TRPS1: variants seen among roughly 807,000 people sequenced by gnomAD.
The protein encoded by TRPS1 is transcriptional repressor GATA binding 1.
Under a neutral mutation model 101.2 loss-of-function variants are expected in TRPS1, and 6 were observed. The ratio of observed to expected loss-of-function variants is 0.06; its 90% CI spans 0.03 to 0.12. TRPS1 has a LOEUF of 0.12. TRPS1 is among the 10% of genes least tolerant of loss of function. The pLI is 1.00. For missense variants in TRPS1, 1,363 were observed against 1,567.0 expected (o/e 0.87, Z 2.20); for synonymous variants, 578 against 589.8 (o/e 0.98, Z 0.29).
intron 5 of TRPS1, among the ~76,000 whole-genome samples, chr8:115,426,845 G>A (rs551476150): frequency 3.3e-5 from 5 of 152,164 alleles, no homozygotes; most frequent in Admixed American, 6.5e-5. Context: ...TCAGATTTAC[G>A]GTGAATTACT....
Position 115,623,691 on chromosome 8 carries a change from G to T in TRPS1, c.-54C>A. ...TAATTCTATTAGTCAACTAGCAGGA[G>T]GCTAATGCAATTGTCTTAGAAGACG... is the stretch of plus-strand genomic sequence containing the variant. On this transcript the variant is annotated 5_prime_UTR_variant, in exon 2 of 7. Coordinates refer to ENST00000395715, the MANE Select transcript of TRPS1 (RefSeq NM_014112.5). The T allele has an allele frequency of 6.3e-7, 1 of 1,598,098 alleles. No individual in the cohort carries two copies.
intron 5 of TRPS1, among the ~76,000 whole-genome samples, chr8:115,535,454 C>T (rs1450023211): frequency 5.5e-5 from 8 of 146,686 alleles, no homozygotes; most frequent in East Asian, 2.0e-4. Flanking sequence ...GTATATAGTG[C>T]ATATATAGCA....
In TRPS1 at chr8:115,540,815, C is replaced by T. The variant is rs1038949744; in HGVS notation, c.2700+46186G>A. 4.6e-5 allele frequency among the ~76,000 whole-genome samples: 7 copies of T among 151,734 alleles called. No homozygotes were observed. In the East Asian group the frequency reaches 5.8e-4, roughly 13 times the overall value. On this transcript the variant is annotated intron_variant, in intron 5 of 6. Coordinates refer to ENST00000395715, the MANE Select transcript of TRPS1 (RefSeq NM_014112.5). ...TGCATGCCTGTATCAAAACAACTTA[C>T]GCACCCCATAAATATATATCTAATA... is the stretch of plus-strand genomic sequence containing the variant.
chr8:115,566,568 G>A (rs1048196844), intron 5 of TRPS1, among the ~76,000 whole-genome samples: 114 of 151,030 alleles, frequency 7.5e-4, no homozygotes, highest in African/African-American at 2.7e-3. Context: ...CCTAAGGTCA[G>A]AAAAACATAT....
At chr8:115,491,697 AAG>A (rs367651982) in intron 5 of TRPS1, among the ~76,000 whole-genome samples, 90 of 152,058 alleles carry the variant, frequency 5.9e-4, no homozygotes, top group African/African-American at 2.0e-3. Flanking sequence ...GAAAGAAAGA[AAG>A]AGAGAGAGAG....
intron 5 of TRPS1, among the ~76,000 whole-genome samples, chr8:115,468,666 A>G (rs1432680554): frequency 6.6e-6 from 1 of 152,246 alleles, no homozygotes; most frequent in Non-Finnish European, 1.5e-5. Context: ...AGAGTAGAAC[A>G]GAGTGACTAA....
intron 5 of TRPS1, among the ~76,000 whole-genome samples, chr8:115,464,708 C>G (rs1814274984): frequency 6.6e-6 from 1 of 152,058 alleles, no homozygotes; most frequent in Non-Finnish European, 1.5e-5. Context: ...CAGCTTTATT[C>G]AAAACACATG....
chr8:115,490,243 A>G (rs553168199), intron 5 of TRPS1, among the ~76,000 whole-genome samples: 4 of 152,274 alleles, frequency 2.6e-5, no homozygotes, highest in East Asian at 1.9e-4. Flanking sequence ...AAATGGTAGT[A>G]AGCAAGAAAG....
intron 5 of TRPS1, among the ~76,000 whole-genome samples, chr8:115,565,932 A>G (rs1236209192): frequency 2.6e-5 from 4 of 152,146 alleles, no homozygotes; most frequent in Admixed American, 2.6e-4. Flanking sequence ...TTTACTTGAA[A>G]CTTCAAGGTA....
At chr8:115,499,914 A>AATTT in intron 5 of TRPS1, among the ~76,000 whole-genome samples, 2 of 128,930 alleles carry the variant, frequency 1.6e-5, no homozygotes, top group African/African-American at 6.2e-5. Flanking sequence ...AAAAGTGCTA[A>AATTT]ATTTCTTTCT....
intron 5 of TRPS1, among the ~76,000 whole-genome samples, chr8:115,496,938 T>G (rs1815163454): frequency 6.6e-6 from 1 of 152,204 alleles, no homozygotes; most frequent in African/African-American, 2.4e-5. Flanking sequence ...CTTAAAGTTA[T>G]GATGCTAAAA....
chr8:115,447,299 C>T (rs918444516), intron 5 of TRPS1, among the ~76,000 whole-genome samples: 3 of 152,118 alleles, frequency 2.0e-5, no homozygotes, highest in Non-Finnish European at 4.4e-5. Flanking sequence ...CTCAAATTTG[C>T]TACTGAATGT....
intron 5 of TRPS1, among the ~76,000 whole-genome samples, chr8:115,520,234 G>A (rs950208016): frequency 6.6e-6 from 1 of 151,784 alleles, no homozygotes; most frequent in African/African-American, 2.4e-5. Flanking sequence ...TAAGTTCCAG[G>A]AATGCTCTGT....
In TRPS1 at chr8:115,587,487, G is replaced by C; in HGVS notation, c.2214C>G (p.Asn738Lys). ...ATATGGCATGACCGTCCTCTTCGCCGTTGGCTGTAGTGATGTCCTGTTCCT... is the reference window on the plus strand; with the variant it reads ...ATATGGCATGACCGTCCTCTTCGCCCTTGGCTGTAGTGATGTCCTGTTCCT... ...HCQEQDITTA[N>K]GEEDGHAIST... Residue 738 changes from asparagine (N) to lysine (K), a missense_variant, in exon 5 of 7, where the codon AAC (asparagine) becomes AAG (lysine). Coordinates refer to ENST00000395715, the MANE Select transcript of TRPS1 (RefSeq NM_014112.5). 6.2e-7 allele frequency: 1 copy of C among 1,614,138 alleles called. No individual in the cohort carries two copies. Among genetic ancestry groups the C allele is most frequent in the East Asian group, 2.2e-5 (1 of 44,884 alleles).
intron 5 of TRPS1, among the ~76,000 whole-genome samples, chr8:115,460,308 TCA>T (rs149192615): frequency 2.0e-5 from 3 of 149,802 alleles, no homozygotes; most frequent in Admixed American, 6.7e-5. Flanking sequence ...GTACATCAAG[TCA>T]CACACACACA....
intron 5 of TRPS1, among the ~76,000 whole-genome samples, chr8:115,505,713 C>A (rs989197722): frequency 2.6e-5 from 4 of 152,044 alleles, no homozygotes; most frequent in Non-Finnish European, 5.9e-5. Context: ...ACAATTTTTG[C>A]AAAATGATCG....
chr8:115,505,797 G>A (rs1256266518), intron 5 of TRPS1, among the ~76,000 whole-genome samples: 1 of 152,028 alleles, frequency 6.6e-6, no homozygotes, highest in Non-Finnish European at 1.5e-5. Context: ...GAGGCAATTT[G>A]AAAGACTGTG....
At chr8:115,573,140 A>G (rs1205537674) in intron 5 of TRPS1, among the ~76,000 whole-genome samples, 1 of 152,048 alleles carries the variant, frequency 6.6e-6, no homozygotes, top group Non-Finnish European at 1.5e-5. Flanking sequence ...AAAAAAAAAA[A>G]AGAATAAATA....
intron 4 of TRPS1, among the ~76,000 whole-genome samples, chr8:115,601,188 T>C (rs979446049): frequency 6.6e-6 from 1 of 152,194 alleles, no homozygotes; most frequent in African/African-American, 2.4e-5. Flanking sequence ...GTCTTCTATA[T>C]AAAGCACTCA....
Sources: allele counts gnomAD v4.1 joint callset (sites outside exome capture counted in the v4.1 genomes callset), GRCh38; gene constraint gnomAD v4.1.1; transcripts MANE v1.5; gene names NCBI Gene and HGNC (gene_info 2026-07-23, HGNC 2026-07-21).